SLC24A3: variants seen among roughly 807,000 people sequenced by gnomAD.
SLC24A3 encodes the protein solute carrier family 24 member 3, also known as sodium/potassium/calcium exchanger 3.
A neutral mutation model predicts 75.8 loss-of-function variants in SLC24A3; 28 were observed. The observed-to-expected ratio is 0.37, with a 90% CI of 0.27 to 0.51. SLC24A3 has a LOEUF of 0.51. Ranked by LOEUF, SLC24A3 falls within the 20% of genes least tolerant of loss-of-function variation. The pLI, the probability that SLC24A3 is intolerant of heterozygous loss-of-function variation, is 0.94. For missense variants in SLC24A3, 663 were observed against 847.8 expected (o/e 0.78, Z 2.71); for synonymous variants, 372 against 334.1 (o/e 1.11, Z -1.24).
intron 1 of SLC24A3, among the ~76,000 whole-genome samples, chr20:19,258,592 C>T (rs1192604776): frequency 6.6e-6 from 1 of 152,136 alleles, no homozygotes; most frequent in African/African-American, 2.4e-5. Flanking sequence ...ATCCCGGCTA[C>T]TCGGGAGGCT....
intron 2 of SLC24A3, among the ~76,000 whole-genome samples, chr20:19,327,944 A>G (rs532366463): frequency 1.3e-5 from 2 of 151,786 alleles, no homozygotes; most frequent in South Asian, 4.2e-4. Context: ...AAACAAAAAC[A>G]TGCACAAATA....
At chr20:19,240,408 T>C (rs1982298061) in intron 1 of SLC24A3, among the ~76,000 whole-genome samples, 1 of 152,182 alleles carries the variant, frequency 6.6e-6, no homozygotes, top group African/African-American at 2.4e-5. Context: ...TAAAAGCAGT[T>C]TTCTCCTTCC....
chr20:19,242,109 A>C (rs1412709287), intron 1 of SLC24A3, among the ~76,000 whole-genome samples: 1 of 152,114 alleles, frequency 6.6e-6, no homozygotes, highest in Admixed American at 6.5e-5. Flanking sequence ...ATAGAATGTT[A>C]AGTTTTGAGA....
intron 3 of SLC24A3, among the ~76,000 whole-genome samples, chr20:19,562,284 C>G (rs34428000): frequency 1.3e-5 from 2 of 152,286 alleles, no homozygotes; most frequent in East Asian, 3.9e-4. Flanking sequence ...GTTCCTCTAA[C>G]AGCCGTAGAA....
At chr20:19,345,053 A>G (rs1160112535) in intron 2 of SLC24A3, among the ~76,000 whole-genome samples, 1 of 152,236 alleles carries the variant, frequency 6.6e-6, no homozygotes. Context: ...GGTTTTGTTC[A>G]CAGCTGACAC....
intron 2 of SLC24A3, among the ~76,000 whole-genome samples, chr20:19,299,651 A>G (rs1163227686): frequency 6.6e-6 from 1 of 152,202 alleles, no homozygotes; most frequent in South Asian, 2.1e-4. Context: ...TGGGGCCTGG[A>G]ACTTATGTAA....
intron 12 of SLC24A3, among the ~76,000 whole-genome samples, chr20:19,690,484 C>A (rs1176584031): frequency 6.6e-6 from 1 of 152,004 alleles, no homozygotes; most frequent in East Asian, 1.9e-4. Context: ...GGGATCATTT[C>A]TCTTCCTCTT....
intron 1 of SLC24A3, chr20:19,242,531 G>A (rs1217446687): frequency 6.6e-6 from 1 of 152,184 alleles, no homozygotes. Flanking sequence ...AAAGTACAGG[G>A]CAGTTGTCGG....
At chr20:19,610,739 A>G (rs558885494) in intron 6 of SLC24A3, among the ~76,000 whole-genome samples, 1 of 152,234 alleles carries the variant, frequency 6.6e-6, no homozygotes, top group Non-Finnish European at 1.5e-5. Flanking sequence ...GATGGGGTAC[A>G]CATACTTCAG....
intron 6 of SLC24A3, among the ~76,000 whole-genome samples, chr20:19,601,150 A>G (rs1173438265): frequency 6.6e-6 from 1 of 152,226 alleles, no homozygotes; most frequent in Non-Finnish European, 1.5e-5. Flanking sequence ...ATGTTTATAT[A>G]TGTAAAACAC....
intron 3 of SLC24A3, among the ~76,000 whole-genome samples, chr20:19,560,127 T>G (rs1001292078): frequency 6.6e-6 from 1 of 151,856 alleles, no homozygotes; most frequent in Non-Finnish European, 1.5e-5. Context: ...CCAGGAGTGA[T>G]CCCCAGGAGT....
At chr20:19,472,538 A>T (rs1447561409) in intron 2 of SLC24A3, among the ~76,000 whole-genome samples, 1 of 152,130 alleles carries the variant, frequency 6.6e-6, no homozygotes, top group Admixed American at 6.5e-5. Context: ...CAAGTGTGTT[A>T]CTTCCCTCCT....
chr20:19,217,041 A>G (rs1600378697), intron 1 of SLC24A3, among the ~76,000 whole-genome samples: 1 of 152,224 alleles, frequency 6.6e-6, no homozygotes, highest in Non-Finnish European at 1.5e-5. Context: ...TGGCCTCTCC[A>G]TGCGATCTCT....
intron 9 of SLC24A3, among the ~76,000 whole-genome samples, chr20:19,679,587 GGGGAGA>G (rs1166248162): frequency 1.8e-4 from 27 of 150,754 alleles, no homozygotes; most frequent in Non-Finnish European, 3.0e-4. Flanking sequence ...CGGAGACCGT[GGGGAGA>G]GGGAGAGGGA....
At chr20:19,591,253 C>T (rs925747357) in intron 6 of SLC24A3, among the ~76,000 whole-genome samples, 7 of 152,126 alleles carry the variant, frequency 4.6e-5, no homozygotes, top group African/African-American at 7.2e-5. Flanking sequence ...TTCTTTGATA[C>T]GATCTCCTGA....
At chr20:19,579,270 C>A (rs191949490) in intron 3 of SLC24A3, among the ~76,000 whole-genome samples, 2 of 152,118 alleles carry the variant, frequency 1.3e-5, no homozygotes, top group South Asian at 4.1e-4. Flanking sequence ...AGGAAACATG[C>A]GGTTGGATAC....
intron 2 of SLC24A3, among the ~76,000 whole-genome samples, chr20:19,379,286 C>T (rs892467044): frequency 6.6e-6 from 1 of 152,084 alleles, no homozygotes; most frequent in Non-Finnish European, 1.5e-5. Flanking sequence ...TGAGAACCAC[C>T]CATGTGTTTC....
At chr20:19,609,718 A>G (rs1031388368) in intron 6 of SLC24A3, among the ~76,000 whole-genome samples, 1 of 152,218 alleles carries the variant, frequency 6.6e-6, no homozygotes, top group East Asian at 1.9e-4. Context: ...TACTTATGCA[A>G]CTTATTCCCA....
intron 2 of SLC24A3, among the ~76,000 whole-genome samples, chr20:19,307,362 A>G (rs1437106935): frequency 2.6e-5 from 4 of 152,236 alleles, no homozygotes; most frequent in African/African-American, 9.6e-5. Context: ...GGCTCCTACT[A>G]GCACCAAAAT....
Sources: gnomAD v4.1 joint callset for allele counts (sites outside exome capture counted in the v4.1 genomes callset) on GRCh38, gnomAD v4.1.1 for gene constraint, MANE v1.5 for transcripts, NCBI Gene and HGNC (gene_info 2026-07-23, HGNC 2026-07-21) for gene names.